CDH13: variants seen among roughly 807,000 people sequenced by gnomAD.
CDH13 encodes cadherin-13.
CDH13 carries 24 observed loss-of-function variants against 63.8 expected under a neutral mutation model. The observed-to-expected ratio is 0.38, with a 90% CI of 0.27 to 0.53. CDH13 has a LOEUF of 0.53. CDH13 is among the 20% of genes least tolerant of loss of function. CDH13 has a pLI of 0.85. For synonymous variants in CDH13, 503 were observed against 355.3 expected, an observed-to-expected ratio of 1.42 and a Z score of -4.67; for missense variants, 1,049 against 903.1, an observed-to-expected ratio of 1.16 and a Z score of -2.07.
rs1913568746 is a variant in CDH13 at position 83,662,862 on chromosome 16, A to G, written c.1102-7928A>G. On this transcript the variant is annotated intron_variant, in intron 8 of 13. Transcript: ENST00000567109. ...TGTTGATGGGAACAGAGGTTCCAAC[A>G]GACAAGAACACAGGGAACCTCGGAG... Among the ~76,000 whole-genome samples the G allele has an allele frequency of 2.0e-5, 3 of 152,190 alleles. No individual in the cohort carries two copies. The South Asian group carries it at 6.2e-4, about 32-fold the overall frequency.
chr16:83,629,560 C>T (rs1301283931), intron 8 of CDH13, among the ~76,000 whole-genome samples: 2 of 152,234 alleles, frequency 1.3e-5, no homozygotes, highest in South Asian at 2.1e-4. Flanking sequence ...TTATTTCTGC[C>T]AAGCCATCAT....
chr16:83,393,189 C>G (rs1298115316), intron 6 of CDH13, among the ~76,000 whole-genome samples: 2 of 152,174 alleles, frequency 1.3e-5, no homozygotes, highest in East Asian at 3.9e-4. Flanking sequence ...TGGTGCTAAA[C>G]TGATGCCAAG....
chr16:83,745,351 C>T (rs988131426), intron 10 of CDH13, among the ~76,000 whole-genome samples: 1 of 152,038 alleles, frequency 6.6e-6, no homozygotes. Flanking sequence ...CACATGACCC[C>T]AACACAAAAA....
chr16:83,556,117 T>C (rs1234533875), intron 7 of CDH13, among the ~76,000 whole-genome samples: 2 of 152,070 alleles, frequency 1.3e-5, no homozygotes. Context: ...TAAAAGTTAG[T>C]CTTTCATGTT....
At position 82,896,276 on chromosome 16, in the gene CDH13, A is replaced by ATTTTTTTTTTTTTTTTTTTT. The variant is rs59677448; in HGVS notation, c.157+37817_157+37836dup. Among the ~76,000 whole-genome samples, 38 of 87,854 alleles carry ATTTTTTTTTTTTTTTTTTTT rather than the reference A, an allele frequency of 4.3e-4. 4 individuals are homozygous for ATTTTTTTTTTTTTTTTTTTT. The highest frequency in any genetic ancestry group is 2.1e-3 in the East Asian group (3 of 1,428). 57.6% of individuals were successfully genotyped at this position (87,854 alleles called of 152,430 possible). A position where few individuals can be genotyped will look rare whatever the true frequency, so the allele number is the denominator to read the frequency against. On this transcript the variant is annotated intron_variant, in intron 2 of 13. Transcript: ENST00000567109. ...GAGTCTTCTGAGAACTAGGATTAGGATTTTTTTTTTTTTTTTTTTTTTTTT... is the reference window on the plus strand; with the variant it reads ...GAGTCTTCTGAGAACTAGGATTAGGATTTTTTTTTTTTTTTTTTTTTTTTTTTTTTTTTTTTTTTTTTTTT...
chr16:83,289,953 A>T (rs929893), intron 5 of CDH13, among the ~76,000 whole-genome samples: 13,903 of 151,854 alleles, frequency 0.092, 748 homozygotes, highest in Non-Finnish European at 0.12. Context: ...GCAGAACAAG[A>T]CTCTTCCTCT....
At chr16:82,679,234 C>T (rs749544225) in intron 1 of CDH13, among the ~76,000 whole-genome samples, 8 of 152,122 alleles carry the variant, frequency 5.3e-5, no homozygotes, top group Admixed American at 2.0e-4. Context: ...TGCAGAAATA[C>T]GGGGTATAGC....
At chr16:82,700,769 A>T (rs988916202) in intron 1 of CDH13, among the ~76,000 whole-genome samples, 3 of 152,138 alleles carry the variant, frequency 2.0e-5, no homozygotes, top group African/African-American at 7.2e-5. Flanking sequence ...TGTTCCTGAC[A>T]GGATGCATTT....
At chr16:82,664,261 C>T (rs1169485804) in intron 1 of CDH13, among the ~76,000 whole-genome samples, 1 of 152,242 alleles carries the variant, frequency 6.6e-6, no homozygotes, top group Non-Finnish European at 1.5e-5. Context: ...TGTCTCTCCT[C>T]CTCAGATGGA....
chr16:83,053,232 G>A (rs1174612736), intron 3 of CDH13, among the ~76,000 whole-genome samples: 1 of 152,120 alleles, frequency 6.6e-6, no homozygotes, highest in Non-Finnish European at 1.5e-5. Context: ...GCCTAGGGAT[G>A]GAGAGTTCTG....
At chr16:83,459,824 A>C (rs1027143498) in intron 6 of CDH13, among the ~76,000 whole-genome samples, 1 of 152,236 alleles carries the variant, frequency 6.6e-6, no homozygotes, top group Non-Finnish European at 1.5e-5. Context: ...AAAAGTGTAG[A>C]ATGGAGTATG....
intron 2 of CDH13, among the ~76,000 whole-genome samples, chr16:82,882,984 G>A (rs1236726525): frequency 6.6e-6 from 1 of 152,030 alleles, no homozygotes; most frequent in East Asian, 1.9e-4. Context: ...AATGTGTAGA[G>A]GTCTAAAGAG....
At chr16:83,464,620 A>G (rs1299559010) in intron 6 of CDH13, among the ~76,000 whole-genome samples, 3 of 152,138 alleles carry the variant, frequency 2.0e-5, no homozygotes, top group African/African-American at 7.2e-5. Context: ...TTGAGCTCCC[A>G]ACATGCTGGG....
chr16:82,735,060 G>T (rs1197662984), intron 1 of CDH13, among the ~76,000 whole-genome samples: 6 of 152,184 alleles, frequency 3.9e-5, no homozygotes, highest in African/African-American at 1.2e-4. Flanking sequence ...CCAAGAGTTG[G>T]CAGACTCTCT....
chr16:83,737,326 G>A (rs1196549103), intron 10 of CDH13, among the ~76,000 whole-genome samples: 1 of 152,168 alleles, frequency 6.6e-6, no homozygotes, highest in Non-Finnish European at 1.5e-5. Flanking sequence ...GTTTGACTTC[G>A]AAGTTACTAA....
chr16:83,595,098 T>C (rs1001994820), intron 7 of CDH13, among the ~76,000 whole-genome samples: 6 of 152,252 alleles, frequency 3.9e-5, no homozygotes, highest in African/African-American at 1.2e-4. Context: ...CTCTTAGATA[T>C]GTCTTACAAA....
At chr16:82,877,169 G>A (rs755568567) in intron 2 of CDH13, among the ~76,000 whole-genome samples, 1 of 152,156 alleles carries the variant, frequency 6.6e-6, no homozygotes, top group African/African-American at 2.4e-5. Context: ...TTTAAGATAG[G>A]AAGATGATTG....
intron 2 of CDH13, among the ~76,000 whole-genome samples, chr16:82,974,926 T>G (rs569160171): frequency 2.6e-4 from 40 of 152,336 alleles, no homozygotes; most frequent in Non-Finnish European, 5.0e-4. Context: ...GGCCGCAGGA[T>G]GCCCACACAT....
chr16:83,391,055 A>G (rs1246361010), intron 6 of CDH13, among the ~76,000 whole-genome samples: 3 of 152,150 alleles, frequency 2.0e-5, no homozygotes, highest in Non-Finnish European at 1.5e-5. Flanking sequence ...GGTTGAACAA[A>G]TGGGTTCCAA....
Sources: gnomAD v4.1 joint callset for allele counts (sites outside exome capture counted in the v4.1 genomes callset) on GRCh38, gnomAD v4.1.1 for gene constraint, MANE v1.5 for transcripts, NCBI Gene and HGNC (gene_info 2026-07-23, HGNC 2026-07-21) for gene names.